CCDC7: variants seen among roughly 807,000 people sequenced by gnomAD.
The protein encoded by CCDC7 is coiled-coil domain containing 7, also known as coiled-coil domain-containing protein 7.
Under a neutral mutation model 196.9 loss-of-function variants are expected in CCDC7, and 183 were observed. The observed-to-expected ratio is 0.93, with a 90% CI of 0.82 to 1.05. CCDC7 has a LOEUF of 1.05. CCDC7 is among the 50% of genes least tolerant of loss of function. The pLI, the probability that CCDC7 is intolerant of heterozygous loss-of-function variation, is 0.00. For synonymous variants in CCDC7, 525 were observed against 484.6 expected (o/e 1.08, Z -1.10); for missense variants, 1,540 against 1,482.2 (o/e 1.04, Z -0.64).
intron 11 of CCDC7, among the ~76,000 whole-genome samples, chr10:32,530,328 G>T (rs564182848): frequency 1.1e-4 from 17 of 152,090 alleles, no homozygotes; most frequent in Admixed American, 4.6e-4. Flanking sequence ...GTATTTTTAT[G>T]GGAATTGCAT....
intron 8 of CCDC7, among the ~76,000 whole-genome samples, chr10:32,483,718 A>G (rs2040435382): frequency 6.6e-6 from 1 of 152,188 alleles, no homozygotes; most frequent in African/African-American, 2.4e-5. Context: ...ACATATGGCC[A>G]GCCAGTTTTT....
In CCDC7 at chr10:32,726,718, G is replaced by A. The variant is rs375260064; in HGVS notation, c.2570-16G>A. On this transcript the variant is annotated splice_polypyrimidine_tract_variant and intron_variant, in intron 25 of 41. Coordinates refer to ENST00000639629, the Ensembl canonical transcript of CCDC7. ...TAGCGGACTAAATGTATCTCTTTATGTGGTTCATTTTGTAGTACCAGATAA... is the reference window on the plus strand; with the variant it reads ...TAGCGGACTAAATGTATCTCTTTATATGGTTCATTTTGTAGTACCAGATAA... The A allele has an allele frequency of 2.0e-5, 28 of 1,424,852 alleles. No individual in the cohort carries two copies. In the South Asian group the frequency reaches 2.5e-4, roughly 13 times the overall value. The allele number at this position is 1,424,852 out of a possible 1,614,324, so 88.3% of individuals were successfully genotyped here. A position where few individuals can be genotyped will look rare whatever the true frequency, so the allele number is the denominator to read the frequency against.
At chr10:32,797,899 G>C (rs2083949993) in intron 29 of CCDC7, among the ~76,000 whole-genome samples, 1 of 152,092 alleles carries the variant, frequency 6.6e-6, no homozygotes, top group African/African-American at 2.4e-5. Context: ...TTGTAATTGT[G>C]ACTTCAAAAG....
chr10:32,725,236 C>T (rs2082945073), intron 25 of CCDC7: 1 of 429,194 alleles, frequency 2.3e-6, no homozygotes, highest in South Asian at 1.7e-5. Flanking sequence ...CTCGAAGCAC[C>T]AACTGATTTA....
intron 28 of CCDC7, among the ~76,000 whole-genome samples, chr10:32,761,251 T>A (rs1310203458): frequency 6.6e-6 from 1 of 152,022 alleles, no homozygotes; most frequent in Non-Finnish European, 1.5e-5. Context: ...ACCTTGTTTC[T>A]TTTGTTCTTT....
intron 2 of CCDC7, among the ~76,000 whole-genome samples, chr10:32,455,069 T>G (rs1489454136): frequency 6.6e-6 from 1 of 152,172 alleles, no homozygotes; most frequent in Non-Finnish European, 1.5e-5. Flanking sequence ...GTCAAATCAA[T>G]TTCTATCTTC....
chr10:32,517,879 G>A (rs2047289011), intron 9 of CCDC7, 66 bp from the exon 11 acceptor site: 2 of 1,536,490 alleles, frequency 1.3e-6, no homozygotes, highest in African/African-American at 1.4e-5. Context: ...AAGAAAATGT[G>A]TGTGTTTCAT....
chr10:32,736,869 T>C (rs1480538173), intron 28 of CCDC7, among the ~76,000 whole-genome samples: 2 of 152,206 alleles, frequency 1.3e-5, no homozygotes, highest in African/African-American at 4.8e-5. Flanking sequence ...CTTGTCTTAC[T>C]GCATTAGTTA....
At chr10:32,492,033 T>C in intron 9 of CCDC7, 36 bp downstream of exon 10, 1 of 1,489,986 alleles carries the variant, frequency 6.7e-7, no homozygotes, top group Non-Finnish European at 8.9e-7. Context: ...ATTATTTTTC[T>C]ATTTTTAAAA....
At chr10:32,860,822 A>G (rs1448830799) in intron 41 of CCDC7, among the ~76,000 whole-genome samples, 1 of 152,182 alleles carries the variant, frequency 6.6e-6, no homozygotes, top group Non-Finnish European at 1.5e-5. Context: ...TGCTACAAAG[A>G]GAATCAAATA....
chr10:32,856,514 G>T (rs1025606217), intron 41 of CCDC7, among the ~76,000 whole-genome samples: 1 of 152,108 alleles, frequency 6.6e-6, no homozygotes, highest in Non-Finnish European at 1.5e-5. Flanking sequence ...GAGTTGCTGA[G>T]GTGCCCCACC....
At chr10:32,456,277 G>A (rs1450703043) in exon 3 of CCDC7, 1 of 1,567,412 alleles carries the variant, frequency 6.4e-7, no homozygotes. Context: ...ATTCATTCTT[G>A]ACATATTGTT....
chr10:32,693,464 A>AT (rs964191053), intron 23 of CCDC7, among the ~76,000 whole-genome samples: 49 of 151,260 alleles, frequency 3.2e-4, no homozygotes, highest in African/African-American at 1.2e-3. Flanking sequence ...CTTCGTAGGT[A>AT]TTTTTTTCCT....
intron 20 of CCDC7, among the ~76,000 whole-genome samples, chr10:32,640,152 C>T (rs2066461348): frequency 6.6e-6 from 1 of 152,068 alleles, no homozygotes; most frequent in Non-Finnish European, 1.5e-5. Context: ...GTTAAAGTCT[C>T]CCATTATTAT....
chr10:32,666,553 T>G, intron 21 of CCDC7, among the ~76,000 whole-genome samples: 1 of 127,494 alleles, frequency 7.8e-6, no homozygotes. Context: ...TAGGCCCCAG[T>G]GTGTGATGTT....
chr10:32,742,146 A>G (rs956261072), intron 28 of CCDC7, among the ~76,000 whole-genome samples: 2 of 152,132 alleles, frequency 1.3e-5, no homozygotes, highest in Non-Finnish European at 2.9e-5. Context: ...AAATACTAAT[A>G]TCTTTGAGAT....
At chr10:32,548,990 C>T (rs1440602639) in intron 13 of CCDC7, among the ~76,000 whole-genome samples, 2 of 152,100 alleles carry the variant, frequency 1.3e-5, no homozygotes, top group South Asian at 2.1e-4. Context: ...ATCTCTACAC[C>T]GTTTTCCATA....
At chr10:32,463,049 A>T in exon 5 of CCDC7, 1 of 1,613,458 alleles carries the variant, frequency 6.2e-7, no homozygotes, top group Non-Finnish European at 8.5e-7. Flanking sequence ...AGATGGAAGA[A>T]GTAAGTCTAA....
intron 9 of CCDC7, among the ~76,000 whole-genome samples, chr10:32,516,036 ACT>A (rs2046977760): frequency 1.3e-5 from 2 of 151,644 alleles, no homozygotes; most frequent in Admixed American, 1.3e-4. Context: ...CAAATTAAAA[ACT>A]CTTGTGCTGC....
Sources: allele counts gnomAD v4.1 joint callset (sites outside exome capture counted in the v4.1 genomes callset), GRCh38; gene constraint gnomAD v4.1.1; transcripts MANE v1.5; gene names NCBI Gene and HGNC (gene_info 2026-07-23, HGNC 2026-07-21).